The following NIT2 variants were observed in gnomAD, a reference collection of about 807,000 sequenced individuals.
The protein encoded by NIT2 is nitrilase family member 2.
Under a neutral mutation model 42.7 loss-of-function variants are expected in NIT2, and 46 were observed. The ratio of observed to expected loss-of-function variants is 1.08; its 90% CI spans 0.85 to 1.38. The LOEUF (loss-of-function observed/expected upper bound fraction) is 1.38, where lower values mean the gene tolerates loss of function less well. Among genes scored for constraint, NIT2 ranks in the 40% most tolerant of loss-of-function variants. The pLI is 0.00. For synonymous variants in NIT2, 123 were observed against 121.9 expected, an observed-to-expected ratio of 1.01 and a Z score of -0.06; for missense variants, 309 against 342.5, an observed-to-expected ratio of 0.90 and a Z score of 0.77.
intron 1 of NIT2, among the ~76,000 whole-genome samples, chr3:100,336,996 T>C (rs762256513): frequency 5.3e-5 from 8 of 152,240 alleles, no homozygotes; most frequent in Non-Finnish European, 1.0e-4. Context: ...CCCTGCGGCC[T>C]TCCGCAGTGT....
intron 4 of NIT2, among the ~76,000 whole-genome samples, chr3:100,344,460 A>G (rs1040520935): frequency 6.6e-5 from 10 of 151,964 alleles, no homozygotes; most frequent in African/African-American, 2.4e-4. Flanking sequence ...TATTAACCCA[A>G]CTCTTTGAAG....
intron 1 of NIT2, among the ~76,000 whole-genome samples, chr3:100,338,269 C>T (rs980991681): frequency 2.0e-5 from 3 of 152,166 alleles, no homozygotes; most frequent in African/African-American, 7.2e-5. Flanking sequence ...GGGCCCAGTT[C>T]CCTTGTTCAG....
chr3:100,338,301 T>C (rs1279484581), intron 1 of NIT2, among the ~76,000 whole-genome samples: 1 of 152,212 alleles, frequency 6.6e-6, no homozygotes, highest in African/African-American at 2.4e-5. Context: ...AAAGTGCTGT[T>C]AGCTTTTCCT....
chr3:100,353,777 CT>C (rs397728358), intron 8 of NIT2, among the ~76,000 whole-genome samples: 60 of 140,240 alleles, frequency 4.3e-4, no homozygotes, highest in Admixed American at 4.3e-4. Flanking sequence ...TTTCTTTTTT[CT>C]TTTTTTTTTT....
chr3:100,343,363 C>T (rs372438), intron 4 of NIT2, among the ~76,000 whole-genome samples: 21,948 of 151,772 alleles, frequency 0.14, 2,927 homozygotes, highest in East Asian at 0.49. Context: ...TCCAAGGTCA[C>T]CAGGCTCTGT....
rs575407225 is a variant in NIT2, at chr3:100,361,237, A to G, written c.*5969A>G. The G allele has an allele frequency of 6.6e-6, 1 of 152,362 alleles. No individual in the cohort carries two copies. Among genetic ancestry groups the G allele is most frequent in the South Asian group, 2.1e-4 (1 of 4,830 alleles). 9.4% of individuals were successfully genotyped at this position (152,362 alleles called of 1,614,324 possible). On this transcript the variant is annotated 3_prime_UTR_variant, in exon 10 of 10. Transcript: ENST00000394140. ...TTTAGGCCATGGATCATCTCTGCAG[A>G]GAATCCTACCATGCTGCATTCTTGC...
chr3:100,339,097 G>T lies in NIT2; in HGVS notation c.18G>T (p.Leu6Phe), dbSNP rs369021422. 2.5e-6 allele frequency: 4 copies of T among 1,611,756 alleles called. No homozygotes were observed. The highest frequency in any genetic ancestry group is 3.4e-6 in the Non-Finnish European group (4 of 1,177,872). Residue 6 changes from leucine to phenylalanine, a missense_variant, in exon 2 of 10, where the codon TTG becomes TTT. By Grantham distance (22) the Leu-to-Phe change is conservative. Transcript: ENST00000394140. MTSFR[L>F]ALIQLQISSI... ...TGTCTTTGTTCTCAGCTTTCCGCTT[G>T]GCCCTCATCCAGCTTCAGATTTCTT...
rs277619 is a variant in NIT2 at position 100,340,009 on chromosome 3, G to A, written c.247+74G>A. Reference sequence around the variant, plus strand: ...GAATGAGTCAGGTGTGGTGGCGTGCGCCTGTATTCCCTACTTGGGAAGCTT... The same window carrying A: ...GAATGAGTCAGGTGTGGTGGCGTGCACCTGTATTCCCTACTTGGGAAGCTT... On this transcript the variant is annotated intron_variant, in intron 3 of 9. Transcript: ENST00000394140. 4.6e-4 allele frequency: 595 copies of A among 1,281,564 alleles called. 2 individuals carry two copies. In the African/African-American group the frequency reaches 8.0e-3, roughly 17 times the overall value. 79.4% of individuals were successfully genotyped at this position (1,281,564 alleles called of 1,614,324 possible).
chr3:100,336,161 G>C (rs1263003589), intron 1 of NIT2, among the ~76,000 whole-genome samples: 1 of 152,124 alleles, frequency 6.6e-6, no homozygotes, highest in Non-Finnish European at 1.5e-5. Context: ...AGTTAACCCT[G>C]AGCCAAACAG....
intron 1 of NIT2, among the ~76,000 whole-genome samples, chr3:100,337,517 G>T (rs565107746): frequency 1.7e-3 from 261 of 152,222 alleles, no homozygotes; most frequent in African/African-American, 5.9e-3. Flanking sequence ...GCAGTGGCGC[G>T]ATCTTGGCTC....
At chr3:100,344,850 T>G (rs1225710233) in intron 4 of NIT2, among the ~76,000 whole-genome samples, 1 of 152,190 alleles carries the variant, frequency 6.6e-6, no homozygotes, top group Non-Finnish European at 1.5e-5. Context: ...TTCACCATGT[T>G]GGCCAGGCTG....
In NIT2 at chr3:100,360,054, C is replaced by A. The variant is rs1005207751; in HGVS notation, c.*4786C>A. The stretch of plus-strand genomic sequence containing the variant: ...CCCACCAAAACTCAGTTTTTGAGCT[C>A]CTCTATGTTCATCTTTTTATGGCTA... On this transcript the variant is annotated 3_prime_UTR_variant, in exon 10 of 10. Transcript: ENST00000394140. 6.6e-6 allele frequency: 1 copy of A among 152,258 alleles called. No homozygotes were observed. The highest frequency in any genetic ancestry group is 2.4e-5 in the African/African-American group (1 of 41,552). 9.4% of individuals were successfully genotyped at this position (152,258 alleles called of 1,614,324 possible).
chr3:100,354,845 A>G lies in NIT2; in HGVS notation c.739+18A>G. On this transcript the variant is annotated intron_variant, in intron 9 of 9. Coordinates refer to ENST00000394140, the MANE Select transcript of NIT2 (RefSeq NM_020202.5). ...AGACATAGGTAAGATTTTCCTGGGCATGGTTTAGGTCTCTGATGTCCCCAT... is the reference window on the plus strand; with the variant it reads ...AGACATAGGTAAGATTTTCCTGGGCGTGGTTTAGGTCTCTGATGTCCCCAT... The G allele has an allele frequency of 1.2e-6, 2 of 1,607,494 alleles. No homozygotes were observed. The highest frequency in any genetic ancestry group is 1.1e-5 in the South Asian group (1 of 89,888).
Position 100,336,007 on chromosome 3 carries a change from C to A in NIT2, c.7+1209C>A, listed in dbSNP as rs188385915. Among the ~76,000 whole-genome samples the A allele has an allele frequency of 1.9e-3, 288 of 152,270 alleles. 1 individual carries two copies. The highest frequency in any genetic ancestry group is 6.5e-3 in the African/African-American group (270 of 41,540). On this transcript the variant is annotated intron_variant, in intron 1 of 9. Transcript: ENST00000394140. ...TAACAGCTCAAAATATCTGTTTGCC[C>A]CAGAATAATCCCAGCTTTTATTTCC...
In NIT2 at chr3:100,358,917, G is replaced by A. The variant is rs1706347974; in HGVS notation, c.*3649G>A. ...TGCGTGGGTACAATGAAGCCAGGAG[G>A]GATAGAAAGGGAAATGATGTGTGTG... is the stretch of plus-strand genomic sequence containing the variant. On this transcript the variant is annotated 3_prime_UTR_variant, in exon 10 of 10. Transcript: ENST00000394140. 6.6e-6 allele frequency: 1 copy of A among 152,194 alleles called. No individual in the cohort carries two copies. Among genetic ancestry groups the A allele is most frequent in the Non-Finnish European group, 1.5e-5 (1 of 68,042 alleles). The allele number at this position is 152,194 out of a possible 1,614,324, so 9.4% of individuals were successfully genotyped here.
Position 100,358,868 on chromosome 3 carries a change from G to A in NIT2, c.*3600G>A, listed in dbSNP as rs759689882. ...TTAAGTCTTTTGTGCTACTTTTTAGGCATTGCTGTGTAAGTTTTGGTGGTG... is the reference window on the plus strand; with the variant it reads ...TTAAGTCTTTTGTGCTACTTTTTAGACATTGCTGTGTAAGTTTTGGTGGTG... On this transcript the variant is annotated 3_prime_UTR_variant, in exon 10 of 10. Transcript: ENST00000394140. The A allele has an allele frequency of 6.6e-6, 1 of 152,196 alleles. No individual in the cohort carries two copies. Among genetic ancestry groups the A allele is most frequent in the Admixed American group, 6.5e-5 (1 of 15,280 alleles). 9.4% of individuals were successfully genotyped at this position (152,196 alleles called of 1,614,324 possible). A position where few individuals can be genotyped will look rare whatever the true frequency, so the allele number is the denominator to read the frequency against.
intron 8 of NIT2, among the ~76,000 whole-genome samples, chr3:100,354,119 G>C (rs1706301239): frequency 1.3e-5 from 2 of 152,182 alleles, no homozygotes; most frequent in Admixed American, 6.5e-5. Flanking sequence ...ATTGATGAAG[G>C]AGTGTGGCTG....
Position 100,358,429 on chromosome 3 carries a change from CATA to C in NIT2, c.*3165_*3167del, listed in dbSNP as rs1452625167. ...GTTTTATTTTTGTTTTTTGTTTTTGCATAATACTTTGAAGTCTGCTATCACAAG... is the reference window on the plus strand; with the variant it reads ...GTTTTATTTTTGTTTTTTGTTTTTGCATACTTTGAAGTCTGCTATCACAAG... On this transcript the variant is annotated 3_prime_UTR_variant, in exon 10 of 10. Transcript: ENST00000394140. 3.9e-5 allele frequency: 6 copies of C among 152,162 alleles called. No homozygotes were observed. The highest frequency in any genetic ancestry group is 1.3e-4 in the Admixed American group (2 of 15,276). 9.4% of individuals were successfully genotyped at this position (152,162 alleles called of 1,614,324 possible). A position where few individuals can be genotyped will look rare whatever the true frequency, so the allele number is the denominator to read the frequency against.
At chr3:100,336,678 A>G (rs1329917062) in intron 1 of NIT2, among the ~76,000 whole-genome samples, 1 of 152,200 alleles carries the variant, frequency 6.6e-6, no homozygotes, top group African/African-American at 2.4e-5. Flanking sequence ...AAAGAGCAGT[A>G]TTGCTGCCCG....
Sources: allele counts gnomAD v4.1 joint callset (sites outside exome capture counted in the v4.1 genomes callset), GRCh38; gene constraint gnomAD v4.1.1; transcripts MANE v1.5; gene names NCBI Gene and HGNC (gene_info 2026-07-23, HGNC 2026-07-21).